RELN: variants seen among roughly 807,000 people sequenced by gnomAD.
RELN encodes reelin.
Under a neutral mutation model 427.6 loss-of-function variants are expected in RELN, and 108 were observed. The ratio of observed to expected loss-of-function variants is 0.25; its 90% CI spans 0.22 to 0.30. The LOEUF is 0.30. Ranked by LOEUF, RELN falls within the 10% of genes least tolerant of loss-of-function variation. The pLI, the probability that RELN is intolerant of heterozygous loss-of-function variation, is 1.00. For synonymous variants in RELN, 1,524 were observed against 1,513.4 expected, an observed-to-expected ratio of 1.01 and a Z score of -0.16; for missense variants, 3,715 against 4,302.8, an observed-to-expected ratio of 0.86 and a Z score of 3.82.
At chr7:103,650,084 C>CTTTTTTTTT (rs5886262) in intron 16 of RELN, among the ~76,000 whole-genome samples, 190 bp downstream of exon 16, 1 of 144,468 alleles carries the variant, frequency 6.9e-6, no homozygotes, top group Non-Finnish European at 1.5e-5. Context: ...ACTTCACTGG[C>CTTTTTTTTT]TTTTTTTTTT....
chr7:103,499,528 A>AT (rs1828952320), intron 53 of RELN, among the ~76,000 whole-genome samples: 1 of 152,070 alleles, frequency 6.6e-6, no homozygotes. Flanking sequence ...AAAAACCTAT[A>AT]TTTTTTCATT....
intron 20 of RELN, among the ~76,000 whole-genome samples, chr7:103,617,496 G>A (rs957036018): frequency 4.0e-5 from 6 of 151,666 alleles, no homozygotes; most frequent in Non-Finnish European, 7.4e-5. Context: ...CATCTGAAAG[G>A]AATCTATATA....
At chr7:103,744,777 C>T (rs1279688669) in intron 6 of RELN, among the ~76,000 whole-genome samples, 1 of 147,758 alleles carries the variant, frequency 6.8e-6, no homozygotes, top group Non-Finnish European at 1.5e-5. Context: ...TAATCAATAG[C>T]TTACCAACCA....
intron 1 of RELN, among the ~76,000 whole-genome samples, chr7:103,986,384 G>C (rs1282354440): frequency 6.6e-6 from 1 of 152,032 alleles, no homozygotes; most frequent in Non-Finnish European, 1.5e-5. Context: ...GAAAGCTCCA[G>C]ATTTTTTAGT....
intron 38 of RELN, among the ~76,000 whole-genome samples, chr7:103,554,927 G>A (rs775161265): frequency 3.9e-4 from 59 of 152,232 alleles, no homozygotes; most frequent in Middle Eastern, 3.4e-3. Flanking sequence ...GAAGGACTAT[G>A]GCCATTAAAA....
At chr7:103,780,004 G>A (rs1791846349) in intron 3 of RELN, among the ~76,000 whole-genome samples, 1 of 152,208 alleles carries the variant, frequency 6.6e-6, no homozygotes, top group Non-Finnish European at 1.5e-5. Flanking sequence ...GGGATTACAG[G>A]TGTGAGCGAC....
At chr7:103,537,252 T>C (rs1015782354) in intron 45 of RELN, among the ~76,000 whole-genome samples, 2 of 152,224 alleles carry the variant, frequency 1.3e-5, no homozygotes, top group African/African-American at 4.8e-5. Context: ...CAATTTTATC[T>C]ATTCCATGTC....
intron 32 of RELN, 58 bp from the exon 33 acceptor site, chr7:103,566,470 T>C: frequency 1.3e-6 from 2 of 1,587,310 alleles, no homozygotes; most frequent in South Asian, 1.1e-5. Flanking sequence ...AATATGAATA[T>C]CTTCATGACT....
In RELN at chr7:103,561,690, C is replaced by T. The variant is rs1422208791; in HGVS notation, c.5371G>A (p.Gly1791Arg). The T allele has an allele frequency of 6.2e-7, 1 of 1,613,780 alleles. No individual in the cohort carries two copies. Among genetic ancestry groups the T allele is most frequent in the Non-Finnish European group, 8.5e-7 (1 of 1,179,936 alleles). Residue 1791 changes from glycine to arginine, a missense_variant, in exon 36 of 65, where the codon GGA (glycine) becomes AGA (arginine). Physicochemically the swap from Gly to Arg is moderately radical, Grantham distance 125. Around this residue, in one of 4 missense-constraint regions of RELN, gnomAD observed 2,208 missense variants for 2,361.7 expected, o/e 0.93. Transcript: ENST00000428762. ...GGAACAACAGGAACACAATAGGGTC[C>T]ACCAAAGCCCCGGTCACACCTAAGA... ...GRCVCDRGFGGPYCVPVVPLP... is the reference protein window; with the variant it reads ...GRCVCDRGFGRPYCVPVVPLP...
rs1236695728 is a variant in RELN at position 103,626,420 on chromosome 7, G to A, written c.2702+3520C>T. Among the ~76,000 whole-genome samples, 1 of 151,984 alleles carries A rather than the reference G, an allele frequency of 6.6e-6. No homozygotes were observed. Among genetic ancestry groups the A allele is most frequent in the Non-Finnish European group, 1.5e-5 (1 of 67,948 alleles). The stretch of plus-strand genomic sequence containing the variant: ...GGCTGGAGTGCATTGGCATGATCTC[G>A]GCTCACTGCAACTTCTGCCTCCTGG... On this transcript the variant is annotated intron_variant, in intron 20 of 64. Transcript: ENST00000428762. This position sits in a 1 kb window ranked among gnomAD's most constrained non-coding sequence, Gnocchi z 4.4.
chr7:103,706,866 C>G (rs1834213067), intron 8 of RELN, among the ~76,000 whole-genome samples: 1 of 152,140 alleles, frequency 6.6e-6, no homozygotes, highest in Non-Finnish European at 1.5e-5. Flanking sequence ...ACAACTGAAC[C>G]AAGAAGAAAT....
At chr7:103,679,367 A>C (rs950510314) in intron 11 of RELN, among the ~76,000 whole-genome samples, 4 of 152,200 alleles carry the variant, frequency 2.6e-5, no homozygotes, top group Admixed American at 1.3e-4. Flanking sequence ...AATAAGCCCA[A>C]AGTGTGATTG....
intron 1 of RELN, among the ~76,000 whole-genome samples, chr7:103,984,340 C>T (rs377322512): frequency 1.3e-5 from 2 of 151,870 alleles, no homozygotes; most frequent in African/African-American, 2.4e-5. Flanking sequence ...ATTATTACAA[C>T]GATACAACAT....
At chr7:103,817,183 T>C (rs1792895119) in intron 3 of RELN, among the ~76,000 whole-genome samples, 2 of 152,192 alleles carry the variant, frequency 1.3e-5, no homozygotes, top group Non-Finnish European at 2.9e-5. Flanking sequence ...TTTGTATACA[T>C]ATTGATTCTG....
intron 2 of RELN, among the ~76,000 whole-genome samples, chr7:103,843,544 T>C (rs891200823): frequency 2.0e-5 from 3 of 152,344 alleles, no homozygotes; most frequent in African/African-American, 2.4e-5. Context: ...AATCCAGTTA[T>C]AGAATGCAAA....
In RELN at chr7:103,603,273, C is replaced by T. The variant is rs201962910; in HGVS notation, c.3333+31G>A. The T allele has an allele frequency of 1.3e-5, 20 of 1,568,442 alleles. No homozygotes were observed. The Admixed American group carries it at 1.3e-4, about 10-fold the overall frequency. On this transcript the variant is annotated intron_variant, in intron 24 of 64. Coordinates refer to ENST00000428762, the MANE Select transcript of RELN (RefSeq NM_005045.4). The surrounding 1 kb of genome is among the most constrained non-coding windows in gnomAD (Gnocchi z 4.3). The stretch of plus-strand genomic sequence containing the variant: ...AGTCTCATATTAAACTAGCCATTGC[C>T]CCGATGACTTATCCCAGCTGTTGGT...
chr7:103,562,429 C>T (rs1830664338), intron 34 of RELN, among the ~76,000 whole-genome samples: 1 of 152,200 alleles, frequency 6.6e-6, no homozygotes, highest in Admixed American at 6.5e-5. Flanking sequence ...GCCCTTGATA[C>T]TTCTGCACTC....
chr7:103,644,154 T>C (rs750763168), intron 16 of RELN, among the ~76,000 whole-genome samples: 2 of 151,298 alleles, frequency 1.3e-5, no homozygotes, highest in Admixed American at 6.6e-5. Flanking sequence ...AATAATGAGA[T>C]AGTTTCTTGA....
At chr7:103,872,960 T>C (rs1379728873) in intron 2 of RELN, among the ~76,000 whole-genome samples, 5 of 151,928 alleles carry the variant, frequency 3.3e-5, no homozygotes, top group Admixed American at 2.6e-4. Context: ...ATTCTGGATA[T>C]TAGCCCTTTG....
Sources: allele counts gnomAD v4.1 joint callset (sites outside exome capture counted in the v4.1 genomes callset), GRCh38; gene constraint gnomAD v4.1.1; regional missense constraint gnomAD v4.1.1; non-coding constraint Gnocchi (gnomAD v3.1); transcripts MANE v1.5; gene names NCBI Gene and HGNC (gene_info 2026-07-23, HGNC 2026-07-21).